The following HAP1 variants were observed in gnomAD, a reference collection of about 807,000 sequenced individuals.
The protein encoded by HAP1 is huntingtin-associated protein 1.
In HAP1, 59 loss-of-function variants were observed where a neutral mutation model predicts 60.3. The ratio of observed to expected loss-of-function variants is 0.98; its 90% confidence interval spans 0.79 to 1.22. The LOEUF (loss-of-function observed/expected upper bound fraction) is 1.22, where lower values mean the gene tolerates loss of function less well. Ranked by LOEUF, HAP1 falls within the 50% of genes most tolerant of loss-of-function variation. The pLI is 0.00. For synonymous variants in HAP1, 346 were observed against 330.6 expected (o/e 1.05, Z -0.50); for missense variants, 825 against 785.3 (o/e 1.05, Z -0.60).
chr17:41,728,593 A>G (rs1555589660), intron 6 of HAP1, among the ~76,000 whole-genome samples: 1 of 152,204 alleles, frequency 6.6e-6, no homozygotes, highest in Non-Finnish European at 1.5e-5. Context: ...CCACAGTCAC[A>G]CATCATACAG....
chr17:41,725,848 G>T lies in HAP1; in HGVS notation c.1406+11C>A, dbSNP rs1366040046. On this transcript the variant is annotated intron_variant, in intron 10 of 10. Coordinates refer to ENST00000347901, the MANE Select transcript of HAP1 (RefSeq NM_177977.3). The stretch of plus-strand genomic sequence containing the variant: ...GAGGGCAGGTTGTAGGGGAGCCCCT[G>T]GCAGGCTTACCTTAGGCTGGATGTG... 1 of 1,609,102 alleles carries T rather than the reference G, an allele frequency of 6.2e-7. No individual in the cohort carries two copies. Among genetic ancestry groups the T allele is most frequent in the Non-Finnish European group, 8.5e-7 (1 of 1,175,448 alleles).
In HAP1 at chr17:41,728,215, G is replaced by A. The variant is rs1400982653; in HGVS notation, c.1186C>T (p.Gln396Ter). 41 of 1,612,234 alleles carry A rather than the reference G, an allele frequency of 2.5e-5. No individual in the cohort carries two copies. The highest frequency in any genetic ancestry group is 3.4e-5 in the Non-Finnish European group (40 of 1,180,030). Residue 396 changes from glutamine (Q) to a stop codon, truncating the protein, a stop_gained, in exon 7 of 11, where the codon CAG becomes TAG. Coordinates refer to ENST00000347901, the MANE Select transcript of HAP1 (RefSeq NM_177977.3). LOFTEE classifies it high-confidence loss of function. ...ACCCGACTCACCATCCGGCAGCGCT[G>A]CTGCAGCTTCAGCACCTGGGCCTGC... ...RLQAQVLKLQ[Q>*]RCRMYGAETE...
At chr17:41,719,378 T>C (rs1439087987), downstream of HAP1, among the ~76,000 whole-genome samples, 1 of 152,184 alleles carries the variant, frequency 6.6e-6, no homozygotes, top group Non-Finnish European at 1.5e-5. Flanking sequence ...GCCACCATCA[T>C]TGCCAGAAAT....
downstream of HAP1, among the ~76,000 whole-genome samples, chr17:41,719,707 C>T (rs1471159411): frequency 6.7e-6 from 1 of 149,228 alleles, no homozygotes; most frequent in African/African-American, 2.5e-5. Flanking sequence ...AAAAAAAAGG[C>T]AATTTGGAGA....
In HAP1 at chr17:41,725,071, A is replaced by G. The variant is rs200305063; in HGVS notation, c.1490T>C (p.Met497Thr). 9 of 1,612,476 alleles carry G rather than the reference A, an allele frequency of 5.6e-6. No homozygotes were observed. In the East Asian group the frequency reaches 6.7e-5, roughly 12 times the overall value. Residue 497 changes from methionine (M) to threonine (T), a missense_variant, in exon 11 of 11, where the codon ATG becomes ACG. Transcript: ENST00000347901. ...CGCAGGCGTGAAATCTTCCCCCCGC[A>G]TGATATCCGCTGCCAGCATCAACCC... is the stretch of plus-strand genomic sequence containing the variant. ...EEGLMLAADI[M>T]RGEDFTPAEE...
At chr17:41,720,179 G>A (rs371973920), downstream of HAP1, among the ~76,000 whole-genome samples, 44 of 150,772 alleles carry the variant, frequency 2.9e-4, no homozygotes, top group Admixed American at 1.4e-3. Context: ...ATGAGCCACC[G>A]CGCCCAGCTT....
chr17:41,726,657 G>C (rs1170261415), intron 9 of HAP1, among the ~76,000 whole-genome samples: 1 of 151,880 alleles, frequency 6.6e-6, no homozygotes, highest in Admixed American at 6.6e-5. Flanking sequence ...GAGGTCAGGA[G>C]CTTGAGACCA....
In HAP1 at chr17:41,725,865, C is replaced by T; in HGVS notation, c.1400G>A (p.Ser467Asn). ...GAGCCCCTGGCAGGCTTACCTTAGG[C>T]TGGATGTGTCCCCTCTGGGCATCTC... is the stretch of plus-strand genomic sequence containing the variant. Reference protein sequence around the residue: ...NYEMPRGDTSSLRYDFRYSED... With the variant: ...NYEMPRGDTSNLRYDFRYSED... The change falls in exon 10 of 11, where the codon AGC (serine) becomes AAC (asparagine). Residue 467 changes from serine (S) to asparagine (N), a missense_variant. Coordinates refer to ENST00000347901, the MANE Select transcript of HAP1 (RefSeq NM_177977.3). The T allele has an allele frequency of 6.2e-7, 1 of 1,612,856 alleles. No homozygotes were observed. The highest frequency in any genetic ancestry group is 8.5e-7 in the Non-Finnish European group (1 of 1,178,852).
intron 1 of HAP1, among the ~76,000 whole-genome samples, chr17:41,733,041 T>TG (rs1555591612): frequency 6.5e-5 from 6 of 92,890 alleles, no homozygotes; most frequent in African/African-American, 1.8e-4. Flanking sequence ...TTTTTTGGTT[T>TG]TTTTTTTTTT....
At position 41,724,433 on chromosome 17, in the gene HAP1, G is replaced by T; in HGVS notation, c.*268C>A. On this transcript the variant is annotated 3_prime_UTR_variant, in exon 11 of 11. Coordinates refer to ENST00000347901, the MANE Select transcript of HAP1 (RefSeq NM_177977.3). ...GAGGAGGCAGGGGTTGGGGGCAGGG[G>T]AAGCAAGCGGGCAGAGATGGGAAGC... The T allele has an allele frequency of 2.2e-6, 1 of 464,840 alleles. No individual in the cohort carries two copies. The highest frequency in any genetic ancestry group is 3.9e-6 in the Non-Finnish European group (1 of 258,176). 28.8% of individuals were successfully genotyped at this position (464,840 alleles called of 1,614,324 possible). A position where few individuals can be genotyped will look rare whatever the true frequency, so the allele number is the denominator to read the frequency against.
At chr17:41,729,458 G>A (rs1176943622) in intron 6 of HAP1, among the ~76,000 whole-genome samples, 2 of 143,198 alleles carry the variant, frequency 1.4e-5, no homozygotes, top group African/African-American at 5.2e-5. Context: ...GCTGAGGCAG[G>A]AGAATCGCTT....
chr17:41,733,380 C>T (rs1302785782), intron 1 of HAP1, among the ~76,000 whole-genome samples: 2 of 76,048 alleles, frequency 2.6e-5, no homozygotes, highest in South Asian at 3.9e-4. Flanking sequence ...TTTTTTTACC[C>T]CTGGAGGAGC....
chr17:41,734,082 G>A, intron 1 of HAP1, 84 bp downstream of exon 1: 2 of 1,096,448 alleles, frequency 1.8e-6, no homozygotes, highest in Non-Finnish European at 2.6e-6. Context: ...AGAGGGGGCG[G>A]GGTGCCTGGA....
rs1212799127 is a variant in HAP1 at position 41,723,052 on chromosome 17, CA to C, written c.*1648del. Reference sequence around the variant, plus strand: ...CCAGGTCCCTCAAGTCAACAAGAACCAGGGTGGCTACCATTAGCATGGGCAT... The same window carrying C: ...CCAGGTCCCTCAAGTCAACAAGAACCGGGTGGCTACCATTAGCATGGGCAT... On this transcript the variant is annotated 3_prime_UTR_variant, in exon 11 of 11. Transcript: ENST00000347901. The C allele has an allele frequency of 6.6e-6, 1 of 152,424 alleles. No individual in the cohort carries two copies. Among genetic ancestry groups the C allele is most frequent in the Non-Finnish European group, 1.5e-5 (1 of 68,204 alleles). 9.4% of individuals were successfully genotyped at this position (152,424 alleles called of 1,614,324 possible).
downstream of HAP1, chr17:41,722,207 T>C (rs543856742): frequency 6.5e-6 from 1 of 152,710 alleles, no homozygotes; most frequent in South Asian, 2.1e-4. Flanking sequence ...CTGTGGTTAG[T>C]TGACTCCACG....
downstream of HAP1, among the ~76,000 whole-genome samples, chr17:41,720,047 G>A (rs1293835376): frequency 4.0e-5 from 6 of 148,348 alleles, no homozygotes; most frequent in Admixed American, 2.0e-4. Flanking sequence ...CCACCACCAC[G>A]CCTGGCTAAT....
rs1162563636 is a variant in HAP1, at chr17:41,729,549, CAAAAAAAAAAAAAAAA to C, written c.1070-1234_1070-1219del. ...TGGGTTACAGAGGGAGCCTCCTTCT[CAAAAAAAAAAAAAAAA>C]AAAAAAAAAAAAAAGGAAATGCGGT... On this transcript the variant is annotated intron_variant, in intron 6 of 10. Coordinates refer to ENST00000347901, the MANE Select transcript of HAP1 (RefSeq NM_177977.3). Among the ~76,000 whole-genome samples the C allele has an allele frequency of 1.7e-4, 11 of 63,108 alleles. 1 individual carries two copies. Among genetic ancestry groups the C allele is most frequent in the African/African-American group, 3.4e-4 (5 of 14,572 alleles). 41.4% of individuals were successfully genotyped at this position (63,108 alleles called of 152,430 possible). A position where few individuals can be genotyped will look rare whatever the true frequency, so the allele number is the denominator to read the frequency against.
chr17:41,732,614 C>G, intron 2 of HAP1, 105 bp downstream of exon 2: 2 of 1,152,280 alleles, frequency 1.7e-6, no homozygotes, highest in Non-Finnish European at 2.6e-6. Flanking sequence ...AGGACCCTAA[C>G]CTGGGGCCCC....
intron 10 of HAP1, 135 bp downstream of exon 10, chr17:41,725,724 G>C: frequency 1.3e-6 from 1 of 746,074 alleles, no homozygotes; most frequent in South Asian, 1.5e-5. Flanking sequence ...CTCCTTCCCA[G>C]AACAGTTCTC....
Sources: allele counts gnomAD v4.1 joint callset (sites outside exome capture counted in the v4.1 genomes callset), GRCh38; gene constraint gnomAD v4.1.1; transcripts MANE v1.5; gene names NCBI Gene and HGNC (gene_info 2026-07-23, HGNC 2026-07-21).